ADK: variants seen among roughly 807,000 people sequenced by gnomAD.
ADK encodes the protein N6,N6-dimethyladenosine kinase.
In ADK, 24 loss-of-function variants were observed where a neutral mutation model predicts 44.7. The observed-to-expected ratio is 0.54, with a 90% CI of 0.39 to 0.76. ADK has a LOEUF of 0.76. Ranked by LOEUF, ADK falls within the 30% of genes least tolerant of loss-of-function variation. The pLI is 0.00. For synonymous variants in ADK, 128 were observed against 142.6 expected (o/e 0.90, Z 0.73); for missense variants, 321 against 425.1 (o/e 0.76, Z 2.15).
intron 3 of ADK, among the ~76,000 whole-genome samples, chr10:74,313,464 C>G (rs1282895213): frequency 6.6e-6 from 1 of 152,002 alleles, no homozygotes; most frequent in Non-Finnish European, 1.5e-5. Flanking sequence ...AATTTCCTCC[C>G]TTCTCAGCAT....
At chr10:74,509,792 A>T (rs1848231307) in intron 6 of ADK, among the ~76,000 whole-genome samples, 1 of 151,932 alleles carries the variant, frequency 6.6e-6, no homozygotes, top group Non-Finnish European at 1.5e-5. Flanking sequence ...CTTCTATAAG[A>T]TCAACTTTTT....
chr10:74,390,622 C>G (rs1023355093), intron 4 of ADK, among the ~76,000 whole-genome samples: 1 of 152,126 alleles, frequency 6.6e-6, no homozygotes, highest in African/African-American at 2.4e-5. Flanking sequence ...GATCAAGATT[C>G]CAGATGTCAC....
At position 74,176,326 on chromosome 10, in the gene ADK, T is replaced by C. The variant is rs185299940; in HGVS notation, c.66-24438T>C. Among the ~76,000 whole-genome samples, 329 of 152,282 alleles carry C rather than the reference T, an allele frequency of 2.2e-3. 2 individuals are homozygous for C. The highest frequency in any genetic ancestry group is 7.5e-3 in the African/African-American group (311 of 41,542). The stretch of plus-strand genomic sequence containing the variant: ...CCTAGGCTGAGGCTTCCCAGGCTGT[T>C]GCTTTTTTTCCCCCCACCTTTGCAG... On this transcript the variant is annotated intron_variant, in intron 1 of 10. Coordinates refer to ENST00000539909, the MANE Select transcript of ADK (RefSeq NM_006721.4).
intron 6 of ADK, among the ~76,000 whole-genome samples, chr10:74,454,355 C>T (rs1005093968): frequency 6.6e-6 from 1 of 151,898 alleles, no homozygotes; most frequent in African/African-American, 2.4e-5. Context: ...ATGTGTTACT[C>T]ATTTATGCAA....
At chr10:74,635,279 A>G (rs566288283) in intron 9 of ADK, among the ~76,000 whole-genome samples, 1 of 152,342 alleles carries the variant, frequency 6.6e-6, no homozygotes, top group East Asian at 1.9e-4. Context: ...TATATGAACA[A>G]CTACAGATTC....
chr10:74,536,674 C>T (rs1849460984), intron 7 of ADK, among the ~76,000 whole-genome samples: 1 of 151,796 alleles, frequency 6.6e-6, no homozygotes, highest in Non-Finnish European at 1.5e-5. Context: ...CCTGTTTCCT[C>T]CTTCCTCCTC....
chr10:74,498,693 C>G (rs978421857), intron 6 of ADK, among the ~76,000 whole-genome samples: 2 of 151,448 alleles, frequency 1.3e-5, no homozygotes, highest in African/African-American at 2.5e-5. Flanking sequence ...CAGCCCACAA[C>G]AGGCCTTGTG....
At chr10:74,399,058 G>A (rs1843621723) in intron 6 of ADK, among the ~76,000 whole-genome samples, 1 of 151,818 alleles carries the variant, frequency 6.6e-6, no homozygotes, top group African/African-American at 2.4e-5. Context: ...CATTGATCGT[G>A]ACAAATCTCT....
At chr10:74,384,039 T>TA in intron 4 of ADK, among the ~76,000 whole-genome samples, 1 of 152,204 alleles carries the variant, frequency 6.6e-6, no homozygotes, top group Non-Finnish European at 1.5e-5. Context: ...GGAAATCTTC[T>TA]TTGGCCACTC....
At chr10:74,651,195 A>G (rs1854258377) in intron 9 of ADK, among the ~76,000 whole-genome samples, 1 of 152,072 alleles carries the variant, frequency 6.6e-6, no homozygotes, top group Admixed American at 6.5e-5. Flanking sequence ...AATATGGCCT[A>G]TTTTGACACA....
chr10:74,695,464 A>G (rs938672085), intron 10 of ADK, among the ~76,000 whole-genome samples: 2 of 139,008 alleles, frequency 1.4e-5, no homozygotes, highest in Non-Finnish European at 3.0e-5. Context: ...TTGCTCTTGT[A>G]TATATATATG....
chr10:74,545,415 C>T (rs939819778), intron 7 of ADK, among the ~76,000 whole-genome samples: 4 of 152,144 alleles, frequency 2.6e-5, no homozygotes, highest in Admixed American at 6.5e-5. Context: ...TTTAACAAGC[C>T]GTGGACTCTA....
intron 6 of ADK, among the ~76,000 whole-genome samples, chr10:74,427,920 C>G (rs1844859215): frequency 6.6e-6 from 1 of 152,054 alleles, no homozygotes; most frequent in South Asian, 2.1e-4. Context: ...ATAGTTCAGG[C>G]GGCCAGAGCT....
intron 3 of ADK, among the ~76,000 whole-genome samples, chr10:74,309,870 T>C (rs996629552): frequency 1.3e-5 from 2 of 152,180 alleles, no homozygotes; most frequent in African/African-American, 4.8e-5. Flanking sequence ...TTTCATAAAC[T>C]ATAAGTGTTT....
intron 6 of ADK, among the ~76,000 whole-genome samples, chr10:74,446,569 G>A (rs1845594366): frequency 6.6e-6 from 1 of 152,104 alleles, no homozygotes; most frequent in African/African-American, 2.4e-5. Flanking sequence ...CTTTTAAGAA[G>A]TATTGTGATA....
At chr10:74,280,006 G>T (rs1382520655) in intron 3 of ADK, among the ~76,000 whole-genome samples, 2 of 152,194 alleles carry the variant, frequency 1.3e-5, no homozygotes, top group African/African-American at 4.8e-5. Context: ...CAACCTGGGT[G>T]ACAGAGTTAG....
intron 7 of ADK, among the ~76,000 whole-genome samples, chr10:74,568,965 C>G (rs1449313124): frequency 6.7e-6 from 1 of 149,030 alleles, no homozygotes; most frequent in African/African-American, 2.5e-5. Flanking sequence ...TGTGATGTTC[C>G]CCTTCCTGTG....
intron 2 of ADK, among the ~76,000 whole-genome samples, chr10:74,204,445 T>C (rs1843515072): frequency 6.6e-6 from 1 of 151,978 alleles, no homozygotes; most frequent in South Asian, 2.1e-4. Flanking sequence ...TTTTTGAAAC[T>C]TTTTTTTATA....
intron 1 of ADK, among the ~76,000 whole-genome samples, chr10:74,190,840 G>C (rs778347827): frequency 6.6e-6 from 1 of 152,130 alleles, no homozygotes; most frequent in Non-Finnish European, 1.5e-5. Context: ...GGGAAGAGGG[G>C]CATGGGAATA....
Sources: gnomAD v4.1 joint callset for allele counts (sites outside exome capture counted in the v4.1 genomes callset) on GRCh38, gnomAD v4.1.1 for gene constraint, MANE v1.5 for transcripts, NCBI Gene and HGNC (gene_info 2026-07-23, HGNC 2026-07-21) for gene names.